RAB35: variants seen among roughly 807,000 people sequenced by gnomAD.
RAB35 encodes the protein ras-related protein Rab-35.
Under a neutral mutation model 28.9 loss-of-function variants are expected in RAB35, and 4 were observed. The ratio of observed to expected loss-of-function variants is 0.14; its 90% CI spans 0.07 to 0.32. The LOEUF (loss-of-function observed/expected upper bound fraction) is 0.32. RAB35 is among the 10% of genes least tolerant of loss of function. RAB35 has a pLI of 1.00. For missense variants in RAB35, 128 were observed against 274.0 expected (o/e 0.47, Z 3.76); for synonymous variants, 99 against 105.1 (o/e 0.94, Z 0.35).
chr12:120,114,881 G>C (rs1876266081), intron 1 of RAB35, among the ~76,000 whole-genome samples: 1 of 152,186 alleles, frequency 6.6e-6, no homozygotes, highest in African/African-American at 2.4e-5. Context: ...CTTGCAGAGG[G>C]ATAAAGGCTC....
rs186764229 is a variant in RAB35, at chr12:120,095,170, C to T, written c.*2075G>A. The T allele has an allele frequency of 6.3e-3, 956 of 152,672 alleles. 5 individuals carry two copies. Among genetic ancestry groups the T allele is most frequent in the Non-Finnish European group, 0.01 (694 of 68,034 alleles). The allele number at this position is 152,672 out of a possible 1,614,324, so 9.5% of individuals were successfully genotyped here. ...ATTAGAAACTTTCAATACAGAAATA[C>T]TCCTAGCAAACCATTGAAAAGTGGT... On this transcript the variant is annotated 3_prime_UTR_variant, in exon 6 of 6. Transcript: ENST00000229340.
rs752415348 is a variant in RAB35, at chr12:120,103,062, T to C, written c.227+764A>G. On this transcript the variant is annotated intron_variant, in intron 3 of 5. Transcript: ENST00000229340. The surrounding 1 kb of genome is among the most constrained non-coding windows in gnomAD (Gnocchi z 6.1). ...CTGGCACCCTCCACATGGAAGCCAA[T>C]CCCAGAGGCAGGCCCTCCAGGAAAC... is the stretch of plus-strand genomic sequence containing the variant. Among the ~76,000 whole-genome samples, 29 of 152,142 alleles carry C rather than the reference T, an allele frequency of 1.9e-4. No homozygotes were observed. The highest frequency in any genetic ancestry group is 3.8e-4 in the Non-Finnish European group (26 of 68,018).
intron 1 of RAB35, among the ~76,000 whole-genome samples, chr12:120,116,202 C>T (rs747889804): frequency 6.6e-6 from 1 of 152,192 alleles, no homozygotes; most frequent in Non-Finnish European, 1.5e-5. Context: ...ATCCTCACAC[C>T]ACCCAGCAAG....
chr12:120,098,172 G>A (rs561966175), intron 5 of RAB35, among the ~76,000 whole-genome samples: 1 of 152,236 alleles, frequency 6.6e-6, no homozygotes, highest in Non-Finnish European at 1.5e-5. Flanking sequence ...GCGTGAGCCG[G>A]CGCGCCCGGC....
intron 1 of RAB35, among the ~76,000 whole-genome samples, chr12:120,110,289 C>CTTTTTTTTT (rs1430969524): frequency 4.0e-5 from 1 of 24,966 alleles, no homozygotes; most frequent in African/African-American, 1.9e-4. Flanking sequence ...AAGCCCACAG[C>CTTTTTTTTT]ATTTTTTTTT....
At chr12:120,108,737 G>T in intron 1 of RAB35, 1 of 619,180 alleles carries the variant, frequency 1.6e-6, no homozygotes, top group South Asian at 1.5e-5. Context: ...CTGGTGCCCA[G>T]GCCCTAGGCT....
At chr12:120,116,145 C>CTTTACTT (rs1876323598) in intron 1 of RAB35, among the ~76,000 whole-genome samples, 1 of 152,216 alleles carries the variant, frequency 6.6e-6, no homozygotes, top group Non-Finnish European at 1.5e-5. Context: ...TTCGAGCTTA[C>CTTTACTT]TTTACCGGGT....
chr12:120,105,916 CA>C (rs61681731), intron 2 of RAB35, among the ~76,000 whole-genome samples: 294 of 49,796 alleles, frequency 5.9e-3, no homozygotes, highest in South Asian at 0.011. Flanking sequence ...GACTCCGTCT[CA>C]AAAAAAAAAA....
At chr12:120,101,932 G>A (rs1352667730) in intron 3 of RAB35, among the ~76,000 whole-genome samples, 1 of 152,196 alleles carries the variant, frequency 6.6e-6, no homozygotes, top group Non-Finnish European at 1.5e-5. Flanking sequence ...GAGGGGCTGT[G>A]GCTCCTCCTG....
intron 3 of RAB35, among the ~76,000 whole-genome samples, chr12:120,102,262 C>T (rs1875689638): frequency 6.6e-6 from 1 of 152,218 alleles, no homozygotes; most frequent in Non-Finnish European, 1.5e-5. Flanking sequence ...GAAATCCTAG[C>T]GACAGGACCA....
At chr12:120,102,845 G>A (rs1875712569) in intron 3 of RAB35, among the ~76,000 whole-genome samples, 1 of 152,210 alleles carries the variant, frequency 6.6e-6, no homozygotes, top group Admixed American at 6.5e-5. Flanking sequence ...GCTCGAGAGA[G>A]CCAAGGAGGT....
At position 120,107,981 on chromosome 12, in the gene RAB35, C is replaced by A. The variant is rs114927761; in HGVS notation, c.103+436G>T. ...CGATGTAACAGCAGCGTCAGTGCAC[C>A]ATGTGGTGCCTTCAAGCACAGAAAG... is the stretch of plus-strand genomic sequence containing the variant. On this transcript the variant is annotated intron_variant, in intron 2 of 5. Transcript: ENST00000229340. Among the ~76,000 whole-genome samples the A allele has an allele frequency of 3.3e-3, 508 of 151,934 alleles. 3 individuals carry two copies. Among genetic ancestry groups the A allele is most frequent in the African/African-American group, 0.012 (494 of 41,402 alleles).
At chr12:120,115,790 C>T (rs1359121078) in intron 1 of RAB35, among the ~76,000 whole-genome samples, 1 of 152,166 alleles carries the variant, frequency 6.6e-6, no homozygotes, top group East Asian at 1.9e-4. Context: ...GCTGTCCCAT[C>T]CCCAGGACCC....
intron 5 of RAB35, among the ~76,000 whole-genome samples, chr12:120,098,312 G>A (rs1478967501): frequency 6.6e-6 from 1 of 152,254 alleles, no homozygotes; most frequent in Non-Finnish European, 1.5e-5. Context: ...CACCGCCCAA[G>A]GTCATACCAG....
At chr12:120,102,554 G>A (rs1464483943) in intron 3 of RAB35, among the ~76,000 whole-genome samples, 1 of 152,166 alleles carries the variant, frequency 6.6e-6, no homozygotes, top group African/African-American at 2.4e-5. Context: ...AATGTGCTCA[G>A]CATAGGGTGA....
chr12:120,096,915 G>A lies in RAB35; in HGVS notation c.*330C>T. The A allele has an allele frequency of 1.5e-6, 2 of 1,335,700 alleles. No individual in the cohort carries two copies. The highest frequency in any genetic ancestry group is 2.0e-6 in the Non-Finnish European group (2 of 1,019,316). The allele number at this position is 1,335,700 out of a possible 1,614,324, so 82.7% of individuals were successfully genotyped here. A position where few individuals can be genotyped will look rare whatever the true frequency, so the allele number is the denominator to read the frequency against. Reference sequence around the variant, plus strand: ...GCTGGCATCAAGAAGGCAAAAGCCAGAGCAGGACGTGGTGTGCGGCCGGGT... The same window carrying A: ...GCTGGCATCAAGAAGGCAAAAGCCAAAGCAGGACGTGGTGTGCGGCCGGGT... On this transcript the variant is annotated 3_prime_UTR_variant, in exon 6 of 6. Transcript: ENST00000229340.
chr12:120,105,099 C>T (rs1405112729), intron 2 of RAB35, among the ~76,000 whole-genome samples: 3 of 152,034 alleles, frequency 2.0e-5, no homozygotes, highest in South Asian at 4.2e-4. Context: ...GTGGCAAGGG[C>T]GTAGGAAAGG....
chr12:120,110,289 C>CTTTTTTTTTTTTTTTTTTTTTTT (rs1430969524), intron 1 of RAB35, among the ~76,000 whole-genome samples: 4 of 24,948 alleles, frequency 1.6e-4, no homozygotes, highest in Non-Finnish European at 2.1e-4. Context: ...AAGCCCACAG[C>CTTTTTTTTTTTTTTTTTTTTTTT]ATTTTTTTTT....
chr12:120,097,157 G>GA lies in RAB35; in HGVS notation c.*87dup, dbSNP rs747999059. 7 of 1,612,184 alleles carry GA rather than the reference G, an allele frequency of 4.3e-6. No individual in the cohort carries two copies. The highest frequency in any genetic ancestry group is 3.4e-6 in the Non-Finnish European group (4 of 1,179,348). ...GAGAGAATTCTTTAAATAACGGCAC[G>GA]AAACTGAGACTGTCCCCCGAGGAAC... On this transcript the variant is annotated 3_prime_UTR_variant, in exon 6 of 6. Coordinates refer to ENST00000229340, the MANE Select transcript of RAB35 (RefSeq NM_006861.7).
Sources: gnomAD v4.1 joint callset for allele counts (sites outside exome capture counted in the v4.1 genomes callset) on GRCh38, gnomAD v4.1.1 for gene constraint, Gnocchi (gnomAD v3.1) non-coding constraint, MANE v1.5 for transcripts, NCBI Gene and HGNC (gene_info 2026-07-23, HGNC 2026-07-21) for gene names.